MACROD2: variants seen among roughly 807,000 people sequenced by gnomAD.
MACROD2 encodes the protein mono-ADP ribosylhydrolase 2.
Under a neutral mutation model 70.4 loss-of-function variants are expected in MACROD2, and 36 were observed. That is an observed-to-expected ratio of 0.51 (90% CI 0.39 to 0.68). The LOEUF (loss-of-function observed/expected upper bound fraction) is 0.68. Among genes scored for constraint, MACROD2 ranks in the 30% least tolerant of loss-of-function variants. MACROD2 has a pLI of 0.00. For missense variants in MACROD2, 496 were observed against 538.4 expected (o/e 0.92, Z 0.78); for synonymous variants, 172 against 178.8 (o/e 0.96, Z 0.30).
At chr20:15,779,405 G>A (rs761382442) in intron 8 of MACROD2, among the ~76,000 whole-genome samples, 6 of 152,126 alleles carry the variant, frequency 3.9e-5, no homozygotes, top group Non-Finnish European at 7.4e-5. Flanking sequence ...TAGGCAATGT[G>A]AGCTGTCCAT....
At chr20:15,351,928 C>A (rs1344739927) in intron 6 of MACROD2, among the ~76,000 whole-genome samples, 1 of 152,140 alleles carries the variant, frequency 6.6e-6, no homozygotes, top group Non-Finnish European at 1.5e-5. Context: ...AACCCTGATA[C>A]ATCTGGTACA....
chr20:14,479,334 G>A (rs1260918874), intron 3 of MACROD2, among the ~76,000 whole-genome samples: 3 of 152,112 alleles, frequency 2.0e-5, no homozygotes, highest in Non-Finnish European at 4.4e-5. Flanking sequence ...TGTGTCTTCT[G>A]GTAGGAGAGG....
intron 5 of MACROD2, among the ~76,000 whole-genome samples, chr20:14,843,104 A>T (rs149348270): frequency 7.4e-5 from 11 of 147,988 alleles, no homozygotes; most frequent in Non-Finnish European, 1.5e-4. Flanking sequence ...CCCAACTCTT[A>T]TTCCCTGGCT....
chr20:15,228,830 A>G (rs1387634301), intron 5 of MACROD2, among the ~76,000 whole-genome samples: 1 of 152,060 alleles, frequency 6.6e-6, no homozygotes, highest in Admixed American at 6.6e-5. Context: ...TTGAAATGCC[A>G]TATGCATTTT....
At chr20:15,491,256 G>A (rs1024529735) in intron 7 of MACROD2, among the ~76,000 whole-genome samples, 9 of 152,096 alleles carry the variant, frequency 5.9e-5, no homozygotes, top group Non-Finnish European at 1.3e-4. Flanking sequence ...CAGCCAGTGA[G>A]CTCCCCAACT....
intron 9 of MACROD2, among the ~76,000 whole-genome samples, chr20:15,870,522 C>A (rs1199913472): frequency 6.6e-6 from 1 of 152,094 alleles, no homozygotes; most frequent in Non-Finnish European, 1.5e-5. Flanking sequence ...GAGTGATAGG[C>A]CATGACGGCT....
At chr20:14,308,093 C>T (rs1416867550) in intron 3 of MACROD2, among the ~76,000 whole-genome samples, 1 of 152,136 alleles carries the variant, frequency 6.6e-6, no homozygotes, top group Non-Finnish European at 1.5e-5. Flanking sequence ...AAAGAAAATA[C>T]AGAGTCAGTG....
intron 5 of MACROD2, among the ~76,000 whole-genome samples, chr20:15,208,040 T>C (rs1453029104): frequency 6.6e-6 from 1 of 152,196 alleles, no homozygotes; most frequent in African/African-American, 2.4e-5. Context: ...TTCAGTGATA[T>C]GATTTTAGAT....
chr20:14,330,626 A>T (rs1291317476), intron 3 of MACROD2, among the ~76,000 whole-genome samples: 1 of 152,134 alleles, frequency 6.6e-6, no homozygotes, highest in Non-Finnish European at 1.5e-5. Context: ...AATTACAGAT[A>T]CATATAATTT....
intron 8 of MACROD2, among the ~76,000 whole-genome samples, chr20:15,851,967 A>G (rs1442774309): frequency 1.3e-5 from 2 of 152,082 alleles, no homozygotes; most frequent in African/African-American, 2.4e-5. Context: ...CCCATTTTTT[A>G]TCTTTGACTG....
At chr20:15,490,503 C>A (rs770627714) in intron 7 of MACROD2, among the ~76,000 whole-genome samples, 19 of 152,068 alleles carry the variant, frequency 1.2e-4, no homozygotes, top group Non-Finnish European at 1.8e-4. Context: ...TCAAGCAATC[C>A]TCCTGCCAAA....
intron 4 of MACROD2, among the ~76,000 whole-genome samples, chr20:14,605,398 A>G (rs1568694746): frequency 4.8e-3 from 2 of 414 alleles, no homozygotes; most frequent in Non-Finnish European, 9.6e-3. Flanking sequence ...AGGTGTCCAA[A>G]TGCCCCTTTT....
At chr20:14,619,544 G>T in intron 4 of MACROD2, among the ~76,000 whole-genome samples, 1 of 74,826 alleles carries the variant, frequency 1.3e-5, no homozygotes, top group African/African-American at 5.0e-5. Context: ...AGGAAGGAAG[G>T]AAAGAAGGGA....
intron 8 of MACROD2, among the ~76,000 whole-genome samples, chr20:15,845,362 A>G (rs2064219181): frequency 6.6e-6 from 1 of 152,176 alleles, no homozygotes; most frequent in Non-Finnish European, 1.5e-5. Context: ...GAAGACGGTC[A>G]GTAACTAGGA....
chr20:15,391,373 G>A (rs147945969), intron 6 of MACROD2, among the ~76,000 whole-genome samples: 1 of 152,234 alleles, frequency 6.6e-6, no homozygotes, highest in Non-Finnish European at 1.5e-5. Context: ...GGGATTTGAT[G>A]ATTTTGTTAT....
At chr20:15,250,873 T>C (rs2077149818) in intron 6 of MACROD2, among the ~76,000 whole-genome samples, 1 of 152,208 alleles carries the variant, frequency 6.6e-6, no homozygotes, top group African/African-American at 2.4e-5. Flanking sequence ...GATCCATAAT[T>C]GAGTATATTG....
chr20:14,765,206 A>T (rs1203228583), intron 5 of MACROD2, among the ~76,000 whole-genome samples: 1 of 152,084 alleles, frequency 6.6e-6, no homozygotes, highest in African/African-American at 2.4e-5. Flanking sequence ...AACCAGTCAG[A>T]TTAACAACTC....
At chr20:15,739,669 A>T (rs760239274) in intron 8 of MACROD2, among the ~76,000 whole-genome samples, 1 of 152,240 alleles carries the variant, frequency 6.6e-6, no homozygotes. Context: ...GGAAGTGAAT[A>T]TTAAAAATGT....
intron 6 of MACROD2, among the ~76,000 whole-genome samples, chr20:15,400,822 G>A (rs1321194006): frequency 1.3e-5 from 2 of 152,126 alleles, no homozygotes; most frequent in South Asian, 2.1e-4. Flanking sequence ...TCTCCTGGTC[G>A]GTGTCCGGGT....
Sources: allele counts gnomAD v4.1 joint callset (sites outside exome capture counted in the v4.1 genomes callset), GRCh38; gene constraint gnomAD v4.1.1; transcripts MANE v1.5; gene names NCBI Gene and HGNC (gene_info 2026-07-23, HGNC 2026-07-21).